Variants in CUL3 observed in about 807,000 individuals in gnomAD.
CUL3 encodes the protein cullin-3.
Under a neutral mutation model 89.1 loss-of-function variants are expected in CUL3, and 19 were observed. That is an observed-to-expected ratio of 0.21 (90% CI 0.15 to 0.31). CUL3 has a LOEUF of 0.31. CUL3 is among the 10% of genes least tolerant of loss of function. The pLI is 1.00. For missense variants in CUL3, 469 were observed against 942.3 expected, an observed-to-expected ratio of 0.50 and a Z score of 6.58; for synonymous variants, 351 against 308.4, an observed-to-expected ratio of 1.14 and a Z score of -1.45.
At chr2:224,554,022 AT>A (rs1451729441) in intron 2 of CUL3, among the ~76,000 whole-genome samples, 2 of 152,152 alleles carry the variant, frequency 1.3e-5, no homozygotes, top group Non-Finnish European at 2.9e-5. Context: ...CCAATTGACC[AT>A]ACTGGAGCCC....
chr2:224,523,235 C>T (rs538909309), intron 3 of CUL3, among the ~76,000 whole-genome samples: 2 of 152,236 alleles, frequency 1.3e-5, no homozygotes, highest in African/African-American at 2.4e-5. Context: ...TCTCAGTTGC[C>T]TCATCTGTAA....
chr2:224,555,375 C>T (rs922140653), intron 2 of CUL3, among the ~76,000 whole-genome samples: 3 of 152,010 alleles, frequency 2.0e-5, no homozygotes, highest in Admixed American at 1.3e-4. Flanking sequence ...ATCACTTTAC[C>T]CAGATCTTTC....
intron 2 of CUL3, among the ~76,000 whole-genome samples, chr2:224,542,903 A>G (rs1694169841): frequency 6.6e-6 from 1 of 152,296 alleles, no homozygotes; most frequent in East Asian, 1.9e-4. Flanking sequence ...TCATTCCCAA[A>G]TATCTCCATG....
chr2:224,562,891 G>C (rs555148987), intron 1 of CUL3: 1 of 174,820 alleles, frequency 5.7e-6, no homozygotes. Context: ...TTGTGCCACA[G>C]CTTTGTTACT....
At chr2:224,512,866 C>T (rs1227184189) in intron 5 of CUL3, among the ~76,000 whole-genome samples, 1 of 152,124 alleles carries the variant, frequency 6.6e-6, no homozygotes, top group Non-Finnish European at 1.5e-5. Context: ...TCATAACATA[C>T]AGTTGACCCT....
chr2:224,554,565 T>C (rs1574689658), intron 2 of CUL3, among the ~76,000 whole-genome samples: 1 of 152,192 alleles, frequency 6.6e-6, no homozygotes, highest in East Asian at 1.9e-4. Flanking sequence ...AACAGCTATA[T>C]GGACCTGGAC....
chr2:224,486,532 A>G lies in CUL3; in HGVS notation c.1843-4454T>C, dbSNP rs919040404. On this transcript the variant is annotated intron_variant, in intron 13 of 15. Transcript: ENST00000264414. ...AAAGGATATCAAAGACAGAAGATCA[A>G]CTTAATGAAATAAAGCGTGAAGACA... Among the ~76,000 whole-genome samples the G allele has an allele frequency of 3.9e-5, 6 of 152,130 alleles. No individual in the cohort carries two copies. In the South Asian group the frequency reaches 8.3e-4, roughly 21 times the overall value.
intron 13 of CUL3, among the ~76,000 whole-genome samples, chr2:224,488,394 G>C (rs1392644209): frequency 6.6e-6 from 1 of 151,848 alleles, no homozygotes; most frequent in African/African-American, 2.4e-5. Context: ...AAAGGAGAGA[G>C]AAGAATCAAA....
chr2:224,474,896 T>A (rs925890167), intron 15 of CUL3, among the ~76,000 whole-genome samples: 6 of 152,220 alleles, frequency 3.9e-5, no homozygotes, highest in Non-Finnish European at 2.9e-5. Context: ...GTTGGTTTTT[T>A]CCAAGTACTA....
At chr2:224,558,089 C>G (rs1187179241) in intron 1 of CUL3, among the ~76,000 whole-genome samples, 1 of 152,052 alleles carries the variant, frequency 6.6e-6, no homozygotes, top group Non-Finnish European at 1.5e-5. Context: ...TAAGACCTCC[C>G]TCCAATCTTA....
Position 224,471,975 on chromosome 2 carries a change from C to T in CUL3, c.*2270G>A, listed in dbSNP as rs907220370. ...ATTAAAAACTGAGAAAAAATAGCAT[C>T]TGTGACCTCTTGCTAAAAAGAAAGC... On this transcript the variant is annotated 3_prime_UTR_variant, in exon 16 of 16. Coordinates refer to ENST00000264414, the MANE Select transcript of CUL3 (RefSeq NM_003590.5). 3.0e-5 allele frequency: 7 copies of T among 231,010 alleles called. No homozygotes were observed. Among genetic ancestry groups the T allele is most frequent in the African/African-American group, 1.3e-4 (6 of 45,264 alleles). 14.3% of individuals were successfully genotyped at this position (231,010 alleles called of 1,614,324 possible). A position where few individuals can be genotyped will look rare whatever the true frequency, so the allele number is the denominator to read the frequency against.
intron 1 of CUL3, among the ~76,000 whole-genome samples, chr2:224,559,334 G>C (rs1162262040): frequency 1.3e-5 from 2 of 151,278 alleles, no homozygotes; most frequent in African/African-American, 4.9e-5. Flanking sequence ...CATGCCTATA[G>C]TCCCAGCTAC....
intron 1 of CUL3, among the ~76,000 whole-genome samples, chr2:224,576,371 A>G (rs1415692256): frequency 6.6e-6 from 1 of 152,076 alleles, no homozygotes; most frequent in Admixed American, 6.6e-5. Flanking sequence ...GTCACTGACA[A>G]TTTCAACTCA....
chr2:224,502,744 T>C lies in CUL3; in HGVS notation c.1485+221A>G. Among the ~76,000 whole-genome samples, 2 of 152,170 alleles carry C rather than the reference T, an allele frequency of 1.3e-5. 1 individual carries two copies. The highest frequency in any genetic ancestry group is 3.8e-4 in the East Asian group (2 of 5,204). ...TTTATTAAATTGTCAGTGTATTCCTTCAAGTGGGAAGAAACAACTAAATTT... is the reference window on the plus strand; with the variant it reads ...TTTATTAAATTGTCAGTGTATTCCTCCAAGTGGGAAGAAACAACTAAATTT... On this transcript the variant is annotated intron_variant, in intron 10 of 15. Transcript: ENST00000264414.
chr2:224,498,881 G>A (rs955805523), intron 11 of CUL3, among the ~76,000 whole-genome samples: 10 of 152,252 alleles, frequency 6.6e-5, no homozygotes, highest in East Asian at 1.9e-4. Flanking sequence ...TCAATAATAT[G>A]CTAGTGCTTC....
At chr2:224,557,516 G>A in intron 2 of CUL3, 143 bp downstream of exon 2, 1 of 452,764 alleles carries the variant, frequency 2.2e-6, no homozygotes, top group Non-Finnish European at 3.7e-6. Context: ...TTTTTCATGA[G>A]TGCTTATTAA....
At chr2:224,539,986 T>A (rs1246878785) in intron 2 of CUL3, among the ~76,000 whole-genome samples, 3 of 143,702 alleles carry the variant, frequency 2.1e-5, no homozygotes, top group Non-Finnish European at 4.5e-5. Context: ...TGGATGTGCA[T>A]ACAGGGGGGG....
chr2:224,579,075 T>C (rs1695375989), intron 1 of CUL3, among the ~76,000 whole-genome samples: 1 of 152,202 alleles, frequency 6.6e-6, no homozygotes, highest in Non-Finnish European at 1.5e-5. Context: ...TCAATATTGG[T>C]ACTAATAATT....
At chr2:224,518,295 T>TA (rs138980851) in intron 3 of CUL3, among the ~76,000 whole-genome samples, 23,501 of 152,212 alleles carry the variant, frequency 0.15, 2,012 homozygotes, top group Non-Finnish European at 0.19. Flanking sequence ...TGTTGTAACA[T>TA]ACAACAGTAT....
Sources: gnomAD v4.1 joint callset for allele counts (sites outside exome capture counted in the v4.1 genomes callset) on GRCh38, gnomAD v4.1.1 for gene constraint, MANE v1.5 for transcripts, NCBI Gene and HGNC (gene_info 2026-07-23, HGNC 2026-07-21) for gene names.